Variants in GHR observed in about 807,000 individuals in gnomAD.
GHR encodes growth hormone receptor, also known as GH receptor.
Under a neutral mutation model 67.1 loss-of-function variants are expected in GHR, and 35 were observed. The observed-to-expected ratio is 0.52, with a 90% CI of 0.40 to 0.69. The LOEUF (loss-of-function observed/expected upper bound fraction) is 0.69. Among genes scored for constraint, GHR ranks in the 30% least tolerant of loss-of-function variants. GHR has a pLI of 0.00. For synonymous variants in GHR, 272 were observed against 269.1 expected (o/e 1.01, Z -0.10); for missense variants, 792 against 764.6 (o/e 1.04, Z -0.42).
chr5:42,666,098 C>A (rs1755962193), intron 3 of GHR, among the ~76,000 whole-genome samples: 1 of 152,012 alleles, frequency 6.6e-6, no homozygotes, highest in South Asian at 2.1e-4. Context: ...GCCGATTCAG[C>A]AACAGTTTTC....
chr5:42,576,094 TAAAATA>T lies in GHR; in HGVS notation c.70+10153_70+10158del, dbSNP rs1561135650. On this transcript the variant is annotated intron_variant, in intron 2 of 9. Transcript: ENST00000230882. ...TAAAATAAAATAAAATAAAATAAAA[TAAAATA>T]AATAAAATAAAATAAAATAAAATAA... 7.5e-3 allele frequency among the ~76,000 whole-genome samples: 687 copies of T among 91,580 alleles called. 25 individuals are homozygous for T. The highest frequency in any genetic ancestry group is 0.04 in the Admixed American group (420 of 10,434). 60.1% of individuals were successfully genotyped at this position (91,580 alleles called of 152,430 possible). A position where few individuals can be genotyped will look rare whatever the true frequency, so the allele number is the denominator to read the frequency against.
At chr5:42,486,445 T>C (rs1241959330) in intron 1 of GHR, among the ~76,000 whole-genome samples, 1 of 152,248 alleles carries the variant, frequency 6.6e-6, no homozygotes. Context: ...CTAATGATTG[T>C]AAGCAAAATT....
chr5:42,679,022 T>G (rs1280299594), intron 3 of GHR, among the ~76,000 whole-genome samples: 1 of 146,334 alleles, frequency 6.8e-6, no homozygotes, highest in African/African-American at 2.5e-5. Flanking sequence ...TTAATTCATA[T>G]TAACTTATAT....
intron 3 of GHR, among the ~76,000 whole-genome samples, chr5:42,687,210 G>A (rs1014014500): frequency 6.6e-6 from 1 of 152,200 alleles, no homozygotes; most frequent in African/African-American, 2.4e-5. Flanking sequence ...CTCATGGATA[G>A]GAAGAATCAA....
chr5:42,509,710 A>T (rs1191882052), intron 1 of GHR, among the ~76,000 whole-genome samples: 1 of 150,718 alleles, frequency 6.6e-6, no homozygotes, highest in Non-Finnish European at 1.5e-5. Context: ...ATGACTTAGG[A>T]AGTGCAGGCC....
intron 1 of GHR, chr5:42,465,318 TGAAAATAAA>T: frequency 2.8e-6 from 2 of 721,530 alleles, no homozygotes; most frequent in Non-Finnish European, 4.8e-6. Flanking sequence ...TTTTTTTGCA[TGAAAATAAA>T]TCTTTATTTT....
chr5:42,655,439 TA>T (rs1195773237), intron 3 of GHR, among the ~76,000 whole-genome samples: 5 of 152,146 alleles, frequency 3.3e-5, no homozygotes, highest in Admixed American at 6.6e-5. Flanking sequence ...AGTGTTTGAA[TA>T]ATAAGAATTT....
At chr5:42,641,535 C>T (rs1580110344) in intron 3 of GHR, among the ~76,000 whole-genome samples, 1 of 152,076 alleles carries the variant, frequency 6.6e-6, no homozygotes, top group African/African-American at 2.4e-5. Flanking sequence ...CCATGGCTGG[C>T]TGGGCGAACT....
chr5:42,712,881 T>C (rs1758532364), intron 7 of GHR, among the ~76,000 whole-genome samples: 1 of 151,016 alleles, frequency 6.6e-6, no homozygotes, highest in East Asian at 1.9e-4. Flanking sequence ...AATAATTTAA[T>C]TTATTGATAT....
At chr5:42,670,883 AT>A (rs1303393188) in intron 3 of GHR, among the ~76,000 whole-genome samples, 1 of 141,490 alleles carries the variant, frequency 7.1e-6, no homozygotes, top group East Asian at 2.3e-4. Flanking sequence ...AAAAAAAAAT[AT>A]ATATATATAT....
chr5:42,598,122 G>A (rs917277750), intron 2 of GHR, among the ~76,000 whole-genome samples: 2 of 151,900 alleles, frequency 1.3e-5, no homozygotes, highest in African/African-American at 4.8e-5. Context: ...ATGAGAGAGG[G>A]GACATTCCTG....
intron 1 of GHR, among the ~76,000 whole-genome samples, chr5:42,494,007 C>T (rs1331864438): frequency 1.3e-5 from 2 of 152,150 alleles, no homozygotes; most frequent in Non-Finnish European, 2.9e-5. Context: ...TTGGGAATAT[C>T]CCTCACTGCA....
At chr5:42,648,381 G>A (rs748186732) in intron 3 of GHR, among the ~76,000 whole-genome samples, 54 of 152,254 alleles carry the variant, frequency 3.5e-4, no homozygotes, top group Non-Finnish European at 5.7e-4. Context: ...TAGGGTGAGG[G>A]GACATGGCCA....
At chr5:42,690,230 G>A (rs149207928) in intron 4 of GHR, among the ~76,000 whole-genome samples, 1 of 152,214 alleles carries the variant, frequency 6.6e-6, no homozygotes. Context: ...GATGCAGCCA[G>A]CAGTTAAGGG....
At chr5:42,670,868 A>AC (rs1756244942) in intron 3 of GHR, among the ~76,000 whole-genome samples, 1 of 85,608 alleles carries the variant, frequency 1.2e-5, no homozygotes, top group Non-Finnish European at 2.5e-5. Flanking sequence ...CAAAAATTAA[A>AC]AAAAAAAAAA....
chr5:42,499,301 A>T (rs751365776), intron 1 of GHR, among the ~76,000 whole-genome samples: 26 of 152,156 alleles, frequency 1.7e-4, no homozygotes, highest in Admixed American at 3.9e-4. Context: ...TAGGGAATTG[A>T]CAAGTTGAAC....
At chr5:42,556,690 T>G (rs763080412) in intron 1 of GHR, among the ~76,000 whole-genome samples, 3 of 152,194 alleles carry the variant, frequency 2.0e-5, no homozygotes, top group Non-Finnish European at 4.4e-5. Flanking sequence ...CAATCACATC[T>G]GCATTGTGAA....
chr5:42,698,587 G>A (rs965764806), intron 5 of GHR, among the ~76,000 whole-genome samples: 2 of 152,094 alleles, frequency 1.3e-5, no homozygotes, highest in Non-Finnish European at 2.9e-5. Flanking sequence ...CCCACAGAGG[G>A]CAACAGCATG....
At chr5:42,561,955 C>T (rs1392346963) in intron 1 of GHR, among the ~76,000 whole-genome samples, 2 of 152,030 alleles carry the variant, frequency 1.3e-5, no homozygotes, top group Non-Finnish European at 2.9e-5. Context: ...ACTCCTGTAC[C>T]TCTGGGTTAA....
Sources: gnomAD v4.1 joint callset for allele counts (sites outside exome capture counted in the v4.1 genomes callset) on GRCh38, gnomAD v4.1.1 for gene constraint, MANE v1.5 for transcripts, NCBI Gene and HGNC (gene_info 2026-07-23, HGNC 2026-07-21) for gene names.